SYN3: variants seen among roughly 807,000 people sequenced by gnomAD.
SYN3 encodes synapsin-3.
A neutral mutation model predicts 65.8 loss-of-function variants in SYN3; 35 were observed. The ratio of observed to expected loss-of-function variants is 0.53; its 90% CI spans 0.41 to 0.70. The LOEUF (loss-of-function observed/expected upper bound fraction) is 0.70, where lower values mean the gene tolerates loss of function less well. Among genes scored for constraint, SYN3 ranks in the 30% least tolerant of loss-of-function variants. The probability of loss-of-function intolerance (pLI) is 0.00; values close to 1 mark genes in which losing one functional copy is unlikely to be tolerated. For missense variants in SYN3, 680 were observed against 749.0 expected (o/e 0.91, Z 1.08); for synonymous variants, 270 against 292.9 (o/e 0.92, Z 0.80).
At chr22:32,769,221 A>G (rs1431970658) in intron 6 of SYN3, among the ~76,000 whole-genome samples, 1 of 141,954 alleles carries the variant, frequency 7.0e-6, no homozygotes, top group Non-Finnish European at 1.5e-5. Context: ...ACTTTACAGC[A>G]AAAAGTCTAT....
chr22:32,830,406 C>CT lies in SYN3; in HGVS notation c.711+34508dup, dbSNP rs139624753. Among the ~76,000 whole-genome samples, 1,482 of 152,268 alleles carry CT rather than the reference C, an allele frequency of 9.7e-3. 26 individuals carry two copies. Among genetic ancestry groups the CT allele is most frequent in the African/African-American group, 0.033 (1,386 of 41,548 alleles). On this transcript the variant is annotated intron_variant, in intron 6 of 13. Transcript: ENST00000358763. ...GAAGTTACATGCTTTGCCCGACAGT[C>CT]TATAGCTAGGAGGAGCTGGAGCTGA...
At chr22:32,908,485 G>A (rs2049964493) in intron 4 of SYN3, among the ~76,000 whole-genome samples, 1 of 150,806 alleles carries the variant, frequency 6.6e-6, no homozygotes, top group African/African-American at 2.4e-5. Context: ...TTTAACTCCT[G>A]GGCTCAAGTG....
Position 32,770,297 on chromosome 22 carries a change from C to T in SYN3, c.711+94618G>A, listed in dbSNP as rs560190685. 3.7e-4 allele frequency among the ~76,000 whole-genome samples: 56 copies of T among 152,316 alleles called. 1 individual carries two copies. The highest frequency in any genetic ancestry group is 1.3e-3 in the African/African-American group (55 of 41,572). ...CCCCACAACCAATCTCTTCTCATAG[C>T]AGAGTGGTGATGCCTTCAGATGTAA... is the stretch of plus-strand genomic sequence containing the variant. On this transcript the variant is annotated intron_variant, in intron 6 of 13. Transcript: ENST00000358763.
At chr22:32,549,980 G>A (rs2058388793) in intron 7 of SYN3, among the ~76,000 whole-genome samples, 1 of 152,032 alleles carries the variant, frequency 6.6e-6, no homozygotes, top group South Asian at 2.1e-4. Flanking sequence ...GGGGATGGAG[G>A]CTAGTCCTCA....
At chr22:32,911,867 C>G (rs942361434) in intron 4 of SYN3, among the ~76,000 whole-genome samples, 2 of 152,126 alleles carry the variant, frequency 1.3e-5, no homozygotes, top group East Asian at 1.9e-4. Context: ...GGCCCAACAC[C>G]CACTCCGACG....
chr22:32,974,277 G>C (rs1224279479), intron 3 of SYN3, among the ~76,000 whole-genome samples: 1 of 152,214 alleles, frequency 6.6e-6, no homozygotes, highest in Non-Finnish European at 1.5e-5. Flanking sequence ...CCACTTATTA[G>C]TTGGGCAACC....
chr22:32,971,651 C>G (rs2052024388), intron 3 of SYN3, among the ~76,000 whole-genome samples: 1 of 152,142 alleles, frequency 6.6e-6, no homozygotes. Context: ...ACGTACAGTC[C>G]TAGAAATCGA....
Position 32,510,913 on chromosome 22 carries a change from G to C in SYN3, c.*2779C>G, listed in dbSNP as rs1486006034. Among the ~76,000 whole-genome samples, 1 of 151,256 alleles carries C rather than the reference G, an allele frequency of 6.6e-6. No individual in the cohort carries two copies. The highest frequency in any genetic ancestry group is 1.5e-5 in the Non-Finnish European group (1 of 68,014). On this transcript the variant is annotated 3_prime_UTR_variant, in exon 14 of 14. Transcript: ENST00000358763. Reference sequence around the variant, plus strand: ...TCTCCTCTTGAAGCCGGTTATCAGAGAACTATGAACTCATAGCGAGGTGAC... The same window carrying C: ...TCTCCTCTTGAAGCCGGTTATCAGACAACTATGAACTCATAGCGAGGTGAC...
In SYN3 at chr22:32,875,094, C is replaced by A. The variant is rs1039135914; in HGVS notation, c.462-5969G>T. ...GAATTAGTGATGCTTCCCGCCAGCC[C>A]GAGGACTGCAAGAAATTAGCCCAGG... On this transcript the variant is annotated intron_variant, in intron 4 of 13. Transcript: ENST00000358763. 4.6e-5 allele frequency among the ~76,000 whole-genome samples: 7 copies of A among 152,182 alleles called. No homozygotes were observed. The East Asian group carries it at 5.8e-4, about 13-fold the overall frequency.
intron 7 of SYN3, among the ~76,000 whole-genome samples, chr22:32,586,097 TATGTATAC>T (rs1324605622): frequency 1.5e-5 from 2 of 134,546 alleles, no homozygotes; most frequent in South Asian, 2.7e-4. Flanking sequence ...TATATGTATA[TATGTATAC>T]ATGTATATGT....
chr22:32,526,024 A>C (rs1243039870), intron 12 of SYN3, among the ~76,000 whole-genome samples: 3 of 152,212 alleles, frequency 2.0e-5, no homozygotes, highest in Non-Finnish European at 4.4e-5. Flanking sequence ...AAGACCCTCC[A>C]TCAGCAGAAA....
At chr22:32,932,789 T>C (rs1368563465) in intron 3 of SYN3, among the ~76,000 whole-genome samples, 1 of 152,184 alleles carries the variant, frequency 6.6e-6, no homozygotes, top group African/African-American at 2.4e-5. Flanking sequence ...CTGTAATAGG[T>C]GGCTTAAACA....
intron 13 of SYN3, among the ~76,000 whole-genome samples, chr22:32,515,873 A>G (rs2057763245): frequency 6.6e-6 from 1 of 151,342 alleles, no homozygotes; most frequent in Non-Finnish European, 1.5e-5. Context: ...ATCTCAGCTC[A>G]CTGCAAGCTC....
chr22:32,727,361 A>G (rs1018382973), intron 6 of SYN3, among the ~76,000 whole-genome samples: 8 of 152,230 alleles, frequency 5.3e-5, no homozygotes, highest in African/African-American at 1.9e-4. Context: ...GTGTATATGT[A>G]CCACATTTTC....
chr22:32,994,156 G>A (rs1176046587), intron 2 of SYN3, among the ~76,000 whole-genome samples: 1 of 152,142 alleles, frequency 6.6e-6, no homozygotes, highest in Non-Finnish European at 1.5e-5. Context: ...CGGGGCTTGG[G>A]TGCCGCACAA....
intron 3 of SYN3, among the ~76,000 whole-genome samples, chr22:32,965,969 C>A (rs921002199): frequency 6.6e-6 from 1 of 152,178 alleles, no homozygotes; most frequent in Non-Finnish European, 1.5e-5. Context: ...GCTGGGATTA[C>A]AGGCACGGGC....
At chr22:32,573,010 T>A (rs1303752683) in intron 7 of SYN3, among the ~76,000 whole-genome samples, 2 of 152,224 alleles carry the variant, frequency 1.3e-5, no homozygotes, top group Non-Finnish European at 2.9e-5. Context: ...GAGGTGATTG[T>A]TAAATATTTA....
At chr22:32,912,490 A>AG (rs2050077426) in intron 4 of SYN3, among the ~76,000 whole-genome samples, 1 of 152,036 alleles carries the variant, frequency 6.6e-6, no homozygotes, top group Non-Finnish European at 1.5e-5. Context: ...TCGAGGTGGG[A>AG]GGGTAAGTTG....
intron 6 of SYN3, among the ~76,000 whole-genome samples, chr22:32,644,833 TCTC>T (rs967742810): frequency 4.6e-5 from 7 of 152,260 alleles, no homozygotes; most frequent in African/African-American, 1.7e-4. Flanking sequence ...TGGTGGCTTT[TCTC>T]CTCTTTTTCT....
Sources: gnomAD v4.1 joint callset for allele counts (sites outside exome capture counted in the v4.1 genomes callset) on GRCh38, gnomAD v4.1.1 for gene constraint, MANE v1.5 for transcripts, NCBI Gene and HGNC (gene_info 2026-07-23, HGNC 2026-07-21) for gene names.